SLC14A2: variants seen among roughly 807,000 people sequenced by gnomAD.
SLC14A2 encodes the protein solute carrier family 14 member 2.
A neutral mutation model predicts 104.6 loss-of-function variants in SLC14A2; 91 were observed. The observed-to-expected ratio is 0.87, with a 90% CI of 0.73 to 1.04. The LOEUF is 1.04. Among genes scored for constraint, SLC14A2 ranks in the 50% least tolerant of loss-of-function variants. The pLI is 0.00. For synonymous variants in SLC14A2, 476 were observed against 466.4 expected, an observed-to-expected ratio of 1.02 and a Z score of -0.27; for missense variants, 1,189 against 1,156.0, an observed-to-expected ratio of 1.03 and a Z score of -0.41.
rs547102135 is a variant in SLC14A2, at chr18:45,594,819, A to G, written c.-34-29812A>G. On this transcript the variant is annotated intron_variant, in intron 2 of 20. Transcript: ENST00000586448. ...TGTTACCAAAGTGAGATTCTCCCAC[A>G]CAGATTTCATGGTTCATCACTATCC... Among the ~76,000 whole-genome samples, 137 of 152,236 alleles carry G rather than the reference A, an allele frequency of 9.0e-4. 1 individual carries two copies. Among genetic ancestry groups the G allele is most frequent in the African/African-American group, 3.0e-3 (125 of 41,548 alleles).
At chr18:45,436,256 A>G (rs560281400) in intron 1 of SLC14A2, among the ~76,000 whole-genome samples, 4 of 152,236 alleles carry the variant, frequency 2.6e-5, no homozygotes, top group East Asian at 1.9e-4. Flanking sequence ...AATCAGGTCA[A>G]TGTGCAAATG....
intron 1 of SLC14A2, among the ~76,000 whole-genome samples, chr18:45,240,876 T>C (rs1406291170): frequency 6.6e-6 from 1 of 152,042 alleles, no homozygotes; most frequent in African/African-American, 2.4e-5. Context: ...TCCAGGCTGG[T>C]CTCGAACACC....
rs143798065 is a variant in SLC14A2 at position 45,504,477 on chromosome 18, A to G, written c.-35+21155A>G. Among the ~76,000 whole-genome samples, 14 of 152,340 alleles carry G rather than the reference A, an allele frequency of 9.2e-5. No individual in the cohort carries two copies. The East Asian group carries it at 2.1e-3, about 23-fold the overall frequency. The stretch of plus-strand genomic sequence containing the variant: ...GTAGCCATACTGTGGGTTTGTCTGC[A>G]TAACTGTTCCCATCCAGAACCTTCC... On this transcript the variant is annotated intron_variant, in intron 2 of 20. Transcript: ENST00000586448.
intron 2 of SLC14A2, among the ~76,000 whole-genome samples, chr18:45,522,658 C>T (rs2043532868): frequency 6.6e-6 from 1 of 152,190 alleles, no homozygotes; most frequent in Non-Finnish European, 1.5e-5. Context: ...AAATTCCATT[C>T]ATGTTCATTC....
In SLC14A2 at chr18:45,650,213, T is replaced by A. The variant is rs1401683919; in HGVS notation, c.1351+6053T>A. ...GTGATTTAGGTCCCAACAATAACCT[T>A]TCTTTTCTTCAATTCAATGGATAAG... On this transcript the variant is annotated intron_variant, in intron 10 of 19. Coordinates refer to ENST00000255226, the MANE Select transcript of SLC14A2 (RefSeq NM_007163.4). 2.6e-5 allele frequency among the ~76,000 whole-genome samples: 4 copies of A among 152,372 alleles called. No homozygotes were observed. The East Asian group carries it at 7.7e-4, about 29-fold the overall frequency.
At chr18:45,199,944 G>A in the SLC14A2 span, among the ~76,000 whole-genome samples, 2 of 152,136 alleles carry the variant, frequency 1.3e-5, no homozygotes, top group East Asian at 1.9e-4. Context: ...AGTGCAGTCT[G>A]TGTCCGATCA....
chr18:45,599,033 T>G (rs926727114), intron 2 of SLC14A2, among the ~76,000 whole-genome samples: 6 of 152,160 alleles, frequency 3.9e-5, no homozygotes, highest in African/African-American at 1.4e-4. Context: ...CATAAAACCA[T>G]GATGAGTATG....
At chr18:45,481,776 T>C (rs2087498146) in intron 1 of SLC14A2, among the ~76,000 whole-genome samples, 1 of 152,224 alleles carries the variant, frequency 6.6e-6, no homozygotes, top group East Asian at 1.9e-4. Context: ...ACTATGAGTA[T>C]CACCACATTT....
intron 1 of SLC14A2, among the ~76,000 whole-genome samples, chr18:45,324,441 A>G (rs1455541613): frequency 6.6e-6 from 1 of 152,158 alleles, no homozygotes; most frequent in Non-Finnish European, 1.5e-5. Flanking sequence ...AAAAGCAAAG[A>G]AAACAAGAAG....
At chr18:45,551,323 A>C (rs1486336089) in intron 2 of SLC14A2, among the ~76,000 whole-genome samples, 1 of 152,052 alleles carries the variant, frequency 6.6e-6, no homozygotes, top group Non-Finnish European at 1.5e-5. Flanking sequence ...AATAATTCCA[A>C]CTCCCCAATA....
chr18:45,216,864 G>A (rs765454637), intron 1 of SLC14A2, among the ~76,000 whole-genome samples: 5 of 152,104 alleles, frequency 3.3e-5, no homozygotes, highest in Non-Finnish European at 7.4e-5. Context: ...TTATCCTGGG[G>A]ACATCCACAC....
intron 1 of SLC14A2, among the ~76,000 whole-genome samples, chr18:45,239,812 A>G (rs2084292837): frequency 6.6e-6 from 1 of 152,214 alleles, no homozygotes. Flanking sequence ...ACATTTAAAT[A>G]GCCCTTACCC....
intron 1 of SLC14A2, among the ~76,000 whole-genome samples, chr18:45,259,475 A>T (rs911277197): frequency 5.3e-5 from 8 of 152,322 alleles, no homozygotes; most frequent in African/African-American, 1.4e-4. Flanking sequence ...GATCATAAAG[A>T]TAGCTACAGA....
At chr18:45,621,844 A>G (rs185433970) in intron 1 of SLC14A2, among the ~76,000 whole-genome samples, 1 of 152,346 alleles carries the variant, frequency 6.6e-6, no homozygotes, top group African/African-American at 2.4e-5. Flanking sequence ...GCAAGTGATC[A>G]TTGAGACAAA....
At chr18:45,269,852 A>G (rs76865169) in intron 1 of SLC14A2, among the ~76,000 whole-genome samples, 2,881 of 152,306 alleles carry the variant, frequency 0.019, 77 homozygotes, top group East Asian at 0.1. Flanking sequence ...CATAGATCAT[A>G]TCGTACCATT....
intron 1 of SLC14A2, among the ~76,000 whole-genome samples, chr18:45,228,026 C>T (rs1182906171): frequency 6.6e-6 from 1 of 152,108 alleles, no homozygotes; most frequent in African/African-American, 2.4e-5. Context: ...TAGATTAATT[C>T]TTCCTTTTCT....
At chr18:45,403,528 G>A (rs2144461773) in intron 1 of SLC14A2, among the ~76,000 whole-genome samples, 1 of 152,286 alleles carries the variant, frequency 6.6e-6, no homozygotes. Context: ...GCCTCTGAGT[G>A]TACTGCCTGC....
intron 2 of SLC14A2, among the ~76,000 whole-genome samples, chr18:45,498,401 G>A (rs2043136481): frequency 6.6e-6 from 1 of 152,228 alleles, no homozygotes; most frequent in Non-Finnish European, 1.5e-5. Flanking sequence ...GACAGGGAAG[G>A]GCAGCGAGAA....
intron 1 of SLC14A2, among the ~76,000 whole-genome samples, chr18:45,235,736 G>A (rs1390793639): frequency 6.7e-6 from 1 of 150,346 alleles, no homozygotes; most frequent in Non-Finnish European, 1.5e-5. Context: ...CATCCATGTT[G>A]CTGCAAATGA....
Sources: gnomAD v4.1 joint callset for allele counts (sites outside exome capture counted in the v4.1 genomes callset) on GRCh38, gnomAD v4.1.1 for gene constraint, MANE v1.5 for transcripts, NCBI Gene and HGNC (gene_info 2026-07-23, HGNC 2026-07-21) for gene names.